The following TCEA3 variants were observed in gnomAD, a reference collection of about 807,000 sequenced individuals.
The protein encoded by TCEA3 is transcription elongation factor A protein 3.
TCEA3 carries 36 observed loss-of-function variants against 44.0 expected under a neutral mutation model. The ratio of observed to expected loss-of-function variants is 0.82; its 90% confidence interval spans 0.63 to 1.08. TCEA3 has a LOEUF of 1.08. TCEA3 is among the 50% of genes least tolerant of loss of function. The pLI is 0.00. For missense variants in TCEA3, 392 were observed against 441.2 expected (o/e 0.89, Z 1.00); for synonymous variants, 162 against 159.7 (o/e 1.01, Z -0.11).
At chr1:23,424,446 G>T in intron 1 of TCEA3, 119 bp downstream of exon 1, 1 of 864,652 alleles carries the variant, frequency 1.2e-6, no homozygotes, top group Non-Finnish European at 1.8e-6. Flanking sequence ...TCCTCCCTCG[G>T]GTCCCCGAGT....
chr1:23,408,934 G>A (rs1390300460), intron 4 of TCEA3, among the ~76,000 whole-genome samples: 1 of 152,160 alleles, frequency 6.6e-6, no homozygotes, highest in Admixed American at 6.6e-5. Flanking sequence ...CCAATACAAG[G>A]GAAGGAAGTC....
chr1:23,415,087 G>A (rs2148580329), intron 4 of TCEA3, among the ~76,000 whole-genome samples: 1 of 137,926 alleles, frequency 7.3e-6, no homozygotes, highest in Non-Finnish European at 1.5e-5. Flanking sequence ...GCAGTGGCGG[G>A]ATCTCAGCTC....
Position 23,417,212 on chromosome 1 carries a change from G to A in TCEA3, c.380+37C>T, listed in dbSNP as rs1467558693. Reference sequence around the variant, plus strand: ...GAGTTGCTGTCAGAGGACGTGACAAGTGTCAGCTCCCTTCTCTCCATCCCA... The same window carrying A: ...GAGTTGCTGTCAGAGGACGTGACAAATGTCAGCTCCCTTCTCTCCATCCCA... On this transcript the variant is annotated intron_variant, in intron 4 of 10. Transcript: ENST00000450454. The A allele has an allele frequency of 2.5e-6, 4 of 1,603,926 alleles. No individual in the cohort carries two copies. In the Middle Eastern group the frequency reaches 5.0e-4, roughly 201 times the overall value.
At position 23,417,274 on chromosome 1, in the gene TCEA3, T is replaced by C. The variant is rs188171734; in HGVS notation, c.355A>G (p.Lys119Glu). ...KPEAGLSPPR[K>E]KREDPKTRRD... is the part of the protein sequence containing the mutation. ...CTGGTTTTGGGGTCTTCTCGTTTTT[T>C]CCTTGGTGGAGAAAGGCCTGCTTCT... Residue 119 changes from lysine (K) to glutamate (E), a missense_variant, in exon 4 of 11, where the codon AAA becomes GAA. By Grantham distance (56) the Lys-to-Glu change is moderately conservative. Coordinates refer to ENST00000450454, the MANE Select transcript of TCEA3 (RefSeq NM_003196.3). 1.2e-6 allele frequency: 2 copies of C among 1,613,942 alleles called. No individual in the cohort carries two copies.
intron 5 of TCEA3, among the ~76,000 whole-genome samples, chr1:23,408,045 T>A (rs909429406): frequency 1.5e-4 from 23 of 152,164 alleles, no homozygotes; most frequent in African/African-American, 5.5e-4. Context: ...CACTGCAACC[T>A]CTGCCTCCTG....
chr1:23,391,014 AGG>A (rs1639008753), intron 8 of TCEA3, among the ~76,000 whole-genome samples: 1 of 152,088 alleles, frequency 6.6e-6, no homozygotes, highest in African/African-American at 2.4e-5. Flanking sequence ...AGGCATAAAA[AGG>A]GAGTCAGGGA....
chr1:23,419,900 C>G (rs1255082490), intron 1 of TCEA3, among the ~76,000 whole-genome samples: 1 of 152,202 alleles, frequency 6.6e-6, no homozygotes. Context: ...TAACTGCACA[C>G]TTTGCAGTGT....
chr1:23,385,960 G>A (rs1638823077), intron 9 of TCEA3, among the ~76,000 whole-genome samples: 1 of 152,198 alleles, frequency 6.6e-6, no homozygotes, highest in Admixed American at 6.5e-5. Context: ...GTTTCCCTGG[G>A]TGTGTAATGA....
chr1:23,397,901 C>A lies in TCEA3; in HGVS notation c.498G>T (p.Leu166Phe), dbSNP rs1471942679. Residue 166 changes from leucine to phenylalanine, a missense_variant, in exon 6 of 11, where the codon TTG (leucine) becomes TTT (phenylalanine). Leu to Phe is a conservative substitution (Grantham distance 22). Transcript: ENST00000450454. ...ACATGGAAGAGGCAAACGTGGGGGT[C>A]AAGGGGCTGCTAGGTGTTTTGGGGC... is the stretch of plus-strand genomic sequence containing the variant. ...AESPKTPSSPLTPTFASSMCL... is the reference protein window; with the variant it reads ...AESPKTPSSPFTPTFASSMCL... 1.2e-6 allele frequency: 2 copies of A among 1,613,792 alleles called. No individual in the cohort carries two copies. The highest frequency in any genetic ancestry group is 1.7e-6 in the Non-Finnish European group (2 of 1,179,818).
At chr1:23,392,387 CAAA>C (rs368938558) in intron 8 of TCEA3, among the ~76,000 whole-genome samples, 78 of 13,088 alleles carry the variant, frequency 6.0e-3, no homozygotes, top group East Asian at 0.013. Context: ...ACATCATACA[CAAA>C]ACACACTCCA....
chr1:23,384,881 G>T (rs1039731089), intron 9 of TCEA3, among the ~76,000 whole-genome samples: 1 of 151,874 alleles, frequency 6.6e-6, no homozygotes, highest in African/African-American at 2.4e-5. Context: ...TTTTGTAACA[G>T]ACCTCTCTTC....
At chr1:23,413,554 C>G (rs917109152) in intron 4 of TCEA3, among the ~76,000 whole-genome samples, 1 of 152,306 alleles carries the variant, frequency 6.6e-6, no homozygotes, top group South Asian at 2.1e-4. Context: ...CTGCCTCAGC[C>G]TCCCAAGTAG....
chr1:23,397,973 T>C lies in TCEA3; in HGVS notation c.444-18A>G. On this transcript the variant is annotated intron_variant, in intron 5 of 10. Transcript: ENST00000450454. ...TGTTTGATCTGAGGATGACAATAAG[T>C]AACAGACATTTGACATTAAGAGAGT... 1 of 1,612,528 alleles carries C rather than the reference T, an allele frequency of 6.2e-7. No homozygotes were observed. Among genetic ancestry groups the C allele is most frequent in the East Asian group, 2.2e-5 (1 of 44,864 alleles).
Position 23,387,318 on chromosome 1 carries a change from G to A in TCEA3, c.921C>T (p.Leu307=). 2 of 1,613,986 alleles carry A rather than the reference G, an allele frequency of 1.2e-6. No homozygotes were observed. The highest frequency in any genetic ancestry group is 2.2e-5 in the South Asian group (2 of 91,060). Residue 307 remains leucine, a synonymous_variant, in exon 9 of 11, where the codon CTC becomes CTT. Coordinates refer to ENST00000450454, the MANE Select transcript of TCEA3 (RefSeq NM_003196.3). ...MAKTGGTTTD[L]FQCSKCKKKN... ...TCTTCTTGCATTTGCTGCACTGGAA[G>A]AGGTCAGTGGTGGTGCCGCCAGTCT...
chr1:23,408,423 A>C (rs1164730433), intron 5 of TCEA3: 1 of 438,132 alleles, frequency 2.3e-6, no homozygotes, highest in Admixed American at 3.8e-5. Flanking sequence ...ATGAATGAAT[A>C]AATGAATGAA....
At chr1:23,392,397 T>G (rs1241586976) in intron 8 of TCEA3, among the ~76,000 whole-genome samples, 1 of 13,770 alleles carries the variant, frequency 7.3e-5, no homozygotes, top group Non-Finnish European at 1.2e-4. Flanking sequence ...CAAAACACAC[T>G]CCACACATCA....
At chr1:23,422,242 T>C (rs1326847403) in intron 1 of TCEA3, among the ~76,000 whole-genome samples, 3 of 152,220 alleles carry the variant, frequency 2.0e-5, no homozygotes, top group Non-Finnish European at 4.4e-5. Context: ...ATAACTATAA[T>C]GGTCAATGTG....
intron 10 of TCEA3, chr1:23,383,720 C>T (rs1488916647): frequency 1.0e-6 from 1 of 985,388 alleles, no homozygotes; most frequent in Non-Finnish European, 1.2e-6. Context: ...TGACAATAGG[C>T]ACGTGACCAC....
intron 9 of TCEA3, 140 bp downstream of exon 9, chr1:23,387,133 A>G (rs1198445): frequency 0.9 from 1,011,602 of 1,117,958 alleles, 458,843 homozygotes; most frequent in Admixed American, 0.92. Context: ...GATTACAGAC[A>G]TGAGCCACCG....
Sources: allele counts gnomAD v4.1 joint callset (sites outside exome capture counted in the v4.1 genomes callset), GRCh38; gene constraint gnomAD v4.1.1; transcripts MANE v1.5; gene names NCBI Gene and HGNC (gene_info 2026-07-23, HGNC 2026-07-21).